B3GLCT: variants seen among roughly 807,000 people sequenced by gnomAD.
B3GLCT encodes the protein beta 3-glucosyltransferase.
A neutral mutation model predicts 63.4 loss-of-function variants in B3GLCT; 65 were observed. The observed-to-expected ratio is 1.03, with a 90% CI of 0.84 to 1.26. B3GLCT has a LOEUF of 1.26. Among genes scored for constraint, B3GLCT ranks in the 50% most tolerant of loss-of-function variants. The pLI, the probability that B3GLCT is intolerant of heterozygous loss-of-function variation, is 0.00. For synonymous variants in B3GLCT, 233 were observed against 219.2 expected (o/e 1.06, Z -0.55); for missense variants, 577 against 604.8 (o/e 0.95, Z 0.48).
chr13:31,300,805 A>G (rs1874186010), intron 12 of B3GLCT, among the ~76,000 whole-genome samples: 1 of 152,224 alleles, frequency 6.6e-6, no homozygotes, highest in Non-Finnish European at 1.5e-5. Flanking sequence ...CTCTGTCCAC[A>G]TGATTCTTGA....
chr13:31,240,627 T>G (rs1870894061), intron 4 of B3GLCT, among the ~76,000 whole-genome samples: 1 of 152,132 alleles, frequency 6.6e-6, no homozygotes, highest in South Asian at 2.1e-4. Context: ...ACAGGGAGAC[T>G]GTGAGTTACT....
chr13:31,260,822 A>T (rs1304627722), intron 6 of B3GLCT, 124 bp from the exon 7 acceptor site: 5 of 833,828 alleles, frequency 6.0e-6, no homozygotes, highest in Non-Finnish European at 9.7e-6. Context: ...GAAATATTTA[A>T]TCTGTGCTAA....
chr13:31,291,481 T>C (rs1201526974), intron 12 of B3GLCT, among the ~76,000 whole-genome samples: 1 of 152,212 alleles, frequency 6.6e-6, no homozygotes, highest in Non-Finnish European at 1.5e-5. Flanking sequence ...TTTTCATTTG[T>C]TTGTGTCCTC....
chr13:31,231,636 G>C (rs1870386557), intron 4 of B3GLCT, among the ~76,000 whole-genome samples: 2 of 152,098 alleles, frequency 1.3e-5, no homozygotes, highest in Admixed American at 1.3e-4. Context: ...TTCCCCTTCT[G>C]TTCTTCTGGG....
At chr13:31,270,113 G>A (rs2137848086) in intron 8 of B3GLCT, among the ~76,000 whole-genome samples, 1 of 152,274 alleles carries the variant, frequency 6.6e-6, no homozygotes, top group Middle Eastern at 3.4e-3. Flanking sequence ...TATTCTAGAG[G>A]CAGGTGGCAG....
At chr13:31,286,431 T>A (rs1405702153) in intron 11 of B3GLCT, among the ~76,000 whole-genome samples, 1 of 152,200 alleles carries the variant, frequency 6.6e-6, no homozygotes, top group Non-Finnish European at 1.5e-5. Context: ...AGTTACTAAT[T>A]CTATCTCTGC....
intron 3 of B3GLCT, among the ~76,000 whole-genome samples, chr13:31,225,089 T>C (rs559673264): frequency 5.3e-5 from 8 of 152,354 alleles, no homozygotes; most frequent in African/African-American, 1.4e-4. Flanking sequence ...CCTTTAGGTA[T>C]CCTTTGCTAA....
At chr13:31,209,203 G>A (rs1326636710) in intron 1 of B3GLCT, among the ~76,000 whole-genome samples, 1 of 152,252 alleles carries the variant, frequency 6.6e-6, no homozygotes, top group Non-Finnish European at 1.5e-5. Flanking sequence ...TGGGGACAGG[G>A]GACAGTGGAT....
chr13:31,284,693 A>G lies in B3GLCT; in HGVS notation c.896A>G (p.Glu299Gly). ...QTWESQASLI[E>G]YYSDYTENSI... ...TGGGAGAGCCAGGCAAGTCTCATTG[A>G]ATACTATAGTGACTATACTGAAAAT... The change falls in exon 11 of 15, where the codon GAA becomes GGA. Residue 299 changes from glutamate (E) to glycine (G), a missense_variant. Glu to Gly is a moderately conservative substitution (Grantham distance 98). Coordinates refer to ENST00000343307, the MANE Select transcript of B3GLCT (RefSeq NM_194318.4). The G allele has an allele frequency of 1.2e-6, 2 of 1,611,998 alleles. No homozygotes were observed. Among genetic ancestry groups the G allele is most frequent in the Non-Finnish European group, 1.7e-6 (2 of 1,178,124 alleles).
Position 31,200,135 on chromosome 13 carries a change from GCTC to G in B3GLCT, c.55_57del (p.Leu19del), listed in dbSNP as rs771353044. The G allele has an allele frequency of 5.9e-6, 8 of 1,366,908 alleles. No homozygotes were observed. The highest frequency in any genetic ancestry group is 1.5e-5 in the African/African-American group (1 of 65,632). 84.7% of individuals were successfully genotyped at this position (1,366,908 alleles called of 1,614,324 possible). ...TGCTCGCGCCGCCGGCGCTGCTCGC[GCTC>G]CTCACCTGCTCCCTGGGTAAGTAGC... On this transcript the variant is annotated inframe_deletion, in exon 1 of 15. Coordinates refer to ENST00000343307, the MANE Select transcript of B3GLCT (RefSeq NM_194318.4).
chr13:31,269,646 C>G (rs899154678), intron 8 of B3GLCT, among the ~76,000 whole-genome samples: 23 of 150,070 alleles, frequency 1.5e-4, no homozygotes, highest in African/African-American at 4.9e-4. Context: ...TGTCCCCGCC[C>G]CCCTAATTCA....
chr13:31,219,494 A>C (rs547665229), intron 2 of B3GLCT, among the ~76,000 whole-genome samples: 4 of 152,280 alleles, frequency 2.6e-5, no homozygotes, highest in Non-Finnish European at 5.9e-5. Context: ...CTGTGGTAGC[A>C]CTCAAAGTCC....
At chr13:31,227,866 A>C (rs1235481282) in intron 3 of B3GLCT, among the ~76,000 whole-genome samples, 2 of 152,234 alleles carry the variant, frequency 1.3e-5, no homozygotes, top group Non-Finnish European at 2.9e-5. Context: ...CTTTGCTGAC[A>C]ATCTGGCTGA....
intron 1 of B3GLCT, among the ~76,000 whole-genome samples, chr13:31,210,161 A>C (rs1869183243): frequency 6.6e-6 from 1 of 152,196 alleles, no homozygotes; most frequent in Non-Finnish European, 1.5e-5. Flanking sequence ...GAATTATTTA[A>C]AGTTATCATG....
chr13:31,243,168 A>G (rs1232875203), intron 4 of B3GLCT, among the ~76,000 whole-genome samples: 1 of 152,252 alleles, frequency 6.6e-6, no homozygotes, highest in Non-Finnish European at 1.5e-5. Flanking sequence ...AAATGGAATC[A>G]GTCTTAAAAG....
chr13:31,274,702 A>G (rs930856682), intron 9 of B3GLCT, 74 bp downstream of exon 9: 26 of 1,566,184 alleles, frequency 1.7e-5, no homozygotes, highest in Non-Finnish European at 2.2e-5. Flanking sequence ...TCATCCTAGC[A>G]CTTTAAAATG....
At chr13:31,215,756 T>G (rs117442766) in intron 2 of B3GLCT, among the ~76,000 whole-genome samples, 1 of 152,114 alleles carries the variant, frequency 6.6e-6, no homozygotes, top group Admixed American at 6.5e-5. Flanking sequence ...ATTTTCTCAG[T>G]CTATGAAAGG....
chr13:31,311,218 C>T (rs1874687868), intron 12 of B3GLCT: 2 of 152,134 alleles, frequency 1.3e-5, no homozygotes, highest in Non-Finnish European at 2.9e-5. Flanking sequence ...GGATGTAAAC[C>T]AATATATATG....
intron 12 of B3GLCT, among the ~76,000 whole-genome samples, chr13:31,295,034 T>G (rs899651914): frequency 6.6e-6 from 1 of 152,014 alleles, no homozygotes; most frequent in African/African-American, 2.4e-5. Flanking sequence ...ATGCTATTCC[T>G]TTCTGTTTGT....
Sources: allele counts gnomAD v4.1 joint callset (sites outside exome capture counted in the v4.1 genomes callset), GRCh38; gene constraint gnomAD v4.1.1; transcripts MANE v1.5; gene names NCBI Gene and HGNC (gene_info 2026-07-23, HGNC 2026-07-21).